PCMTD1: variants seen among roughly 807,000 people sequenced by gnomAD.
PCMTD1 encodes the protein protein-L-isoaspartate O-methyltransferase domain-containing protein 1.
In PCMTD1, 12 loss-of-function variants were observed where a neutral mutation model predicts 37.6. The observed-to-expected ratio is 0.32, with a 90% CI of 0.20 to 0.52. PCMTD1 has a LOEUF of 0.52. Among genes scored for constraint, PCMTD1 ranks in the 20% least tolerant of loss-of-function variants. PCMTD1 has a pLI of 0.97. For synonymous variants in PCMTD1, 117 were observed against 135.8 expected, an observed-to-expected ratio of 0.86 and a Z score of 0.96; for missense variants, 235 against 421.3, an observed-to-expected ratio of 0.56 and a Z score of 3.87.
At chr8:51,877,393 G>A (rs147793984) in intron 1 of PCMTD1, among the ~76,000 whole-genome samples, 1 of 152,310 alleles carries the variant, frequency 6.6e-6, no homozygotes, top group Admixed American at 6.5e-5. Context: ...GCTGAGAAAG[G>A]TAAAAACGCT....
chr8:51,883,485 C>A (rs2038821416), intron 1 of PCMTD1, among the ~76,000 whole-genome samples: 2 of 152,032 alleles, frequency 1.3e-5, no homozygotes, highest in Non-Finnish European at 2.9e-5. Flanking sequence ...CAAAGAAATT[C>A]AACAGATTTT....
chr8:51,831,309 AAAG>A, intron 5 of PCMTD1, 132 bp downstream of exon 5: 1 of 990,534 alleles, frequency 1.0e-6, no homozygotes, highest in Non-Finnish European at 1.4e-6. Context: ...AAAAAAAAAA[AAAG>A]TTGAATAAAT....
chr8:51,899,133 G>C (rs1369458460), upstream of PCMTD1: 4 of 1,379,160 alleles, frequency 2.9e-6, no homozygotes, highest in Middle Eastern at 2.6e-4. Flanking sequence ...CACGGGCACA[G>C]GGGCAGCTCC....
intron 1 of PCMTD1, among the ~76,000 whole-genome samples, chr8:51,891,719 G>A (rs2038939597): frequency 6.9e-6 from 1 of 145,012 alleles, no homozygotes; most frequent in African/African-American, 2.5e-5. Flanking sequence ...TATAGCTTCA[G>A]AAACCTTAAA....
At chr8:51,838,982 C>T (rs1256433575) in intron 3 of PCMTD1, among the ~76,000 whole-genome samples, 2 of 151,992 alleles carry the variant, frequency 1.3e-5, no homozygotes, top group Admixed American at 6.6e-5. Flanking sequence ...TTTATAATTA[C>T]TCGTAAAAGA....
chr8:51,826,871 G>T, intron 5 of PCMTD1: 1 of 847,772 alleles, frequency 1.2e-6, no homozygotes, highest in Non-Finnish European at 1.4e-6. Context: ...ACCACAGAAA[G>T]AAATAGGATT....
intron 5 of PCMTD1, among the ~76,000 whole-genome samples, chr8:51,823,908 C>T (rs376238154): frequency 4.6e-5 from 7 of 152,260 alleles, no homozygotes; most frequent in African/African-American, 1.2e-4. Context: ...AATCAATAAA[C>T]GTAATCCATC....
chr8:51,834,693 TA>T (rs2038043015), intron 3 of PCMTD1, among the ~76,000 whole-genome samples: 1 of 152,042 alleles, frequency 6.6e-6, no homozygotes. Context: ...TTTTACTCTG[TA>T]AAATATACCC....
intron 5 of PCMTD1, chr8:51,827,299 G>C: frequency 7.9e-7 from 1 of 1,262,100 alleles, no homozygotes; most frequent in Non-Finnish European, 1.0e-6. Flanking sequence ...TTCAAGTACA[G>C]TAGTCTCCCT....
intron 1 of PCMTD1, among the ~76,000 whole-genome samples, chr8:51,892,476 C>A (rs1358340794): frequency 6.6e-6 from 1 of 152,188 alleles, no homozygotes; most frequent in Non-Finnish European, 1.5e-5. Flanking sequence ...CACTTACACA[C>A]TAATCATCAG....
rs2037793394 is a variant in PCMTD1, at chr8:51,818,438, G to C, written c.*1913C>G. On this transcript the variant is annotated 3_prime_UTR_variant, in exon 6 of 6. Coordinates refer to ENST00000522514, the MANE Select transcript of PCMTD1 (RefSeq NM_052937.4). ...AAAAAAAAAAAAAACAAGCAGGGGA[G>C]ATGGGACAGATAACTTTCTCCAGGT... is the stretch of plus-strand genomic sequence containing the variant. 1 of 152,674 alleles carries C rather than the reference G, an allele frequency of 6.5e-6. No homozygotes were observed. Among genetic ancestry groups the C allele is most frequent in the African/African-American group, 2.4e-5 (1 of 41,318 alleles). 9.5% of individuals were successfully genotyped at this position (152,674 alleles called of 1,614,324 possible).
intron 3 of PCMTD1, among the ~76,000 whole-genome samples, chr8:51,835,071 T>C (rs952615395): frequency 6.6e-6 from 1 of 152,274 alleles, no homozygotes; most frequent in Non-Finnish European, 1.5e-5. Context: ...GAGTCTACCA[T>C]CAAGTCTTTC....
chr8:51,835,080 TCTA>T lies in PCMTD1; in HGVS notation c.411-1394_411-1392del, dbSNP rs1402334604. Among the ~76,000 whole-genome samples, 3 of 152,278 alleles carry T rather than the reference TCTA, an allele frequency of 2.0e-5. No individual in the cohort carries two copies. In the South Asian group the frequency reaches 6.2e-4, roughly 32 times the overall value. On this transcript the variant is annotated intron_variant, in intron 3 of 5. Transcript: ENST00000522514. Reference sequence around the variant, plus strand: ...CTTTATGAGTCTACCATCAAGTCTTTCTACTAGACTCCTTTCCTGTCTCTGCCC... The same window carrying T: ...CTTTATGAGTCTACCATCAAGTCTTTCTAGACTCCTTTCCTGTCTCTGCCC...
chr8:51,840,656 C>A (rs1470129966), intron 3 of PCMTD1, among the ~76,000 whole-genome samples: 1 of 151,940 alleles, frequency 6.6e-6, no homozygotes, highest in Non-Finnish European at 1.5e-5. Context: ...ATAGAAGCAT[C>A]TAATTTTCAA....
In PCMTD1 at chr8:51,837,534, T is replaced by C. The variant is rs568177217; in HGVS notation, c.411-3845A>G. ...AACTGTAACACTACCAATTTTAGTG[T>C]CCTAAGGATTATTATTTAAATATGG... On this transcript the variant is annotated intron_variant, in intron 3 of 5. Coordinates refer to ENST00000522514, the MANE Select transcript of PCMTD1 (RefSeq NM_052937.4). Among the ~76,000 whole-genome samples, 11 of 152,280 alleles carry C rather than the reference T, an allele frequency of 7.2e-5. No individual in the cohort carries two copies. In the South Asian group the frequency reaches 2.3e-3, roughly 32 times the overall value.
In PCMTD1 at chr8:51,845,676, C is replaced by T; in HGVS notation, c.395G>A (p.Ser132Asn). ...KEKLESFIKNSDSFDKFEFCE... is the reference protein window; with the variant it reads ...KEKLESFIKNNDSFDKFEFCE... ...GAATACTTACTTATCAAAGCTATCA[C>T]TATTTTTGATGAAGCTCTCCAGTTT... Residue 132 changes from serine (S) to asparagine (N), a missense_variant, in exon 3 of 6, where the codon AGT becomes AAT. Around this residue, in one of 3 missense-constraint regions of PCMTD1, gnomAD observed 183 missense variants for 349.3 expected, o/e 0.52. Coordinates refer to ENST00000522514, the MANE Select transcript of PCMTD1 (RefSeq NM_052937.4). 1.9e-6 allele frequency: 3 copies of T among 1,610,758 alleles called. No homozygotes were observed. Among genetic ancestry groups the T allele is most frequent in the South Asian group, 1.1e-5 (1 of 91,004 alleles).
intron 2 of PCMTD1, among the ~76,000 whole-genome samples, chr8:51,854,692 C>T (rs893563134): frequency 2.2e-4 from 33 of 151,972 alleles, no homozygotes; most frequent in African/African-American, 8.0e-4. Flanking sequence ...TCTTGCCCAA[C>T]ACAGTGAAAC....
chr8:51,898,639 TCCCCGGCCCCAGGGA>T (rs1465432697), intron 1 of PCMTD1, among the ~76,000 whole-genome samples: 1 of 149,702 alleles, frequency 6.7e-6, no homozygotes, highest in Non-Finnish European at 1.5e-5. Flanking sequence ...GCCCCCGACC[TCCCCGGCCCCAGGGA>T]CCCCGGCTCC....
intron 5 of PCMTD1, 147 bp from the exon 6 acceptor site, chr8:51,820,865 G>C (rs995075749): frequency 3.1e-6 from 3 of 982,402 alleles, no homozygotes; most frequent in Non-Finnish European, 4.3e-6. Flanking sequence ...TCTAACAAAG[G>C]TTTTGGAGTA....
Sources: gnomAD v4.1 joint callset for allele counts (sites outside exome capture counted in the v4.1 genomes callset) on GRCh38, gnomAD v4.1.1 for gene constraint, gnomAD v4.1.1 regional missense constraint, MANE v1.5 for transcripts, NCBI Gene and HGNC (gene_info 2026-07-23, HGNC 2026-07-21) for gene names.